MEGF11: variants seen among roughly 807,000 people sequenced by gnomAD.
MEGF11 encodes multiple EGF like domains 11.
A neutral mutation model predicts 146.6 loss-of-function variants in MEGF11; 126 were observed. The observed-to-expected ratio is 0.86, with a 90% CI of 0.74 to 1.00. The LOEUF is 1.00. Ranked by LOEUF, MEGF11 falls within the 50% of genes least tolerant of loss-of-function variation. The pLI is 0.00. For missense variants in MEGF11, 1,509 were observed against 1,521.2 expected, an observed-to-expected ratio of 0.99 and a Z score of 0.13; for synonymous variants, 532 against 583.4, an observed-to-expected ratio of 0.91 and a Z score of 1.27.
intron 5 of MEGF11, among the ~76,000 whole-genome samples, chr15:66,086,312 A>G (rs1055367066): frequency 1.3e-5 from 2 of 152,180 alleles, no homozygotes; most frequent in African/African-American, 4.8e-5. Context: ...CACAAAGAAC[A>G]CCTGGGAAAT....
At chr15:66,177,971 C>G (rs1433885623) in intron 1 of MEGF11, among the ~76,000 whole-genome samples, 1 of 151,982 alleles carries the variant, frequency 6.6e-6, no homozygotes, top group African/African-American at 2.4e-5. Context: ...AGGTGTGAGC[C>G]ACCATGCCCT....
intron 5 of MEGF11, among the ~76,000 whole-genome samples, chr15:65,992,626 A>G (rs184695278): frequency 1.6e-3 from 246 of 150,708 alleles, no homozygotes; most frequent in African/African-American, 5.8e-3. Context: ...AAATTTATCA[A>G]CTTCGGGGAC....
intron 1 of MEGF11, among the ~76,000 whole-genome samples, chr15:66,252,787 C>G (rs1039188232): frequency 1.3e-5 from 2 of 152,232 alleles, no homozygotes; most frequent in African/African-American, 4.8e-5. Context: ...GGAGCCACAA[C>G]CACCACCCAT....
At chr15:65,952,779 C>A (rs2080454561) in intron 10 of MEGF11, among the ~76,000 whole-genome samples, 1 of 152,240 alleles carries the variant, frequency 6.6e-6, no homozygotes, top group Non-Finnish European at 1.5e-5. Flanking sequence ...GTTAGCAGAG[C>A]TAAAGCTACA....
At chr15:66,015,271 G>A (rs1596991507) in intron 5 of MEGF11, among the ~76,000 whole-genome samples, 1 of 152,180 alleles carries the variant, frequency 6.6e-6, no homozygotes, top group African/African-American at 2.4e-5. Flanking sequence ...GAGCTTAGAG[G>A]TTTCAGAGCC....
At chr15:66,133,227 A>G (rs2088731582) in intron 1 of MEGF11, among the ~76,000 whole-genome samples, 1 of 152,072 alleles carries the variant, frequency 6.6e-6, no homozygotes, top group South Asian at 2.1e-4. Context: ...TGCCTGGACC[A>G]CCCCATCAGC....
chr15:65,929,672 G>A (rs371309744), intron 12 of MEGF11, 48 bp downstream of exon 12: 88 of 1,530,538 alleles, frequency 5.7e-5, no homozygotes, highest in East Asian at 3.4e-4. Flanking sequence ...GGGAAAGGGC[G>A]TGAGGGGATG....
intron 1 of MEGF11, among the ~76,000 whole-genome samples, chr15:66,160,427 C>A (rs928960811): frequency 4.6e-5 from 7 of 152,154 alleles, no homozygotes; most frequent in Non-Finnish European, 1.0e-4. Flanking sequence ...AACCACTTCA[C>A]CAGCATCAGA....
At chr15:66,009,463 C>T (rs2082635362) in intron 5 of MEGF11, among the ~76,000 whole-genome samples, 1 of 151,988 alleles carries the variant, frequency 6.6e-6, no homozygotes. Context: ...ACTTTATTTT[C>T]CCCAAGACCC....
Position 66,215,101 on chromosome 15 carries a change from C to T in MEGF11, c.-9+38504G>A, listed in dbSNP as rs150563948. Among the ~76,000 whole-genome samples, 821 of 152,264 alleles carry T rather than the reference C, an allele frequency of 5.4e-3. 9 individuals are homozygous for T. The highest frequency in any genetic ancestry group is 0.019 in the African/African-American group (787 of 41,556). On this transcript the variant is annotated intron_variant, in intron 1 of 25. Coordinates refer to ENST00000395614, the MANE Select transcript of MEGF11 (RefSeq NM_001385028.1). ...ACGCCTCCTCCCACACACTCATACGCGCTCTCTGCAGCCCTCTGTATTAAG... is the reference window on the plus strand; with the variant it reads ...ACGCCTCCTCCCACACACTCATACGTGCTCTCTGCAGCCCTCTGTATTAAG...
intron 1 of MEGF11, among the ~76,000 whole-genome samples, chr15:66,244,071 A>G (rs531193235): frequency 5.9e-5 from 9 of 152,292 alleles, no homozygotes; most frequent in Non-Finnish European, 7.3e-5. Flanking sequence ...TCTGAGGACA[A>G]TAACCTGCTC....
At chr15:66,153,776 G>C (rs1380989647) in intron 1 of MEGF11, among the ~76,000 whole-genome samples, 1 of 152,112 alleles carries the variant, frequency 6.6e-6, no homozygotes, top group Non-Finnish European at 1.5e-5. Flanking sequence ...CCTGGGTCCA[G>C]CTTTGGGTCT....
chr15:66,157,970 T>C (rs2089821953), intron 1 of MEGF11, among the ~76,000 whole-genome samples: 1 of 152,214 alleles, frequency 6.6e-6, no homozygotes, highest in African/African-American at 2.4e-5. Flanking sequence ...GGATTTTATT[T>C]TAAATTAATC....
chr15:66,209,079 C>A (rs1302396377), intron 1 of MEGF11, among the ~76,000 whole-genome samples: 2 of 151,998 alleles, frequency 1.3e-5, no homozygotes, highest in African/African-American at 4.8e-5. Flanking sequence ...AGGCCGGGCA[C>A]GGTGTTCACG....
chr15:66,079,538 C>CA (rs2085746504), intron 5 of MEGF11, among the ~76,000 whole-genome samples: 1 of 13,044 alleles, frequency 7.7e-5, no homozygotes. Flanking sequence ...TTCATTCACA[C>CA]CCCCCCCCCC....
At chr15:65,908,347 T>C (rs2078692895) in intron 23 of MEGF11, among the ~76,000 whole-genome samples, 1 of 152,164 alleles carries the variant, frequency 6.6e-6, no homozygotes, top group African/African-American at 2.4e-5. Flanking sequence ...GGAGCCACAT[T>C]GTAGGGAGGC....
chr15:66,036,468 G>T (rs977827763), intron 5 of MEGF11, among the ~76,000 whole-genome samples: 1 of 152,194 alleles, frequency 6.6e-6, no homozygotes, highest in Non-Finnish European at 1.5e-5. Flanking sequence ...CCACAGAACT[G>T]AATATATATC....
At chr15:66,159,909 G>A (rs776904432) in intron 1 of MEGF11, among the ~76,000 whole-genome samples, 42 of 152,164 alleles carry the variant, frequency 2.8e-4, no homozygotes, top group South Asian at 1.0e-3. Context: ...TGGACAAGGT[G>A]AGTTGGAGTA....
Position 66,095,476 on chromosome 15 carries a change from T to C in MEGF11, c.302-982A>G, listed in dbSNP as rs371005625. The stretch of plus-strand genomic sequence containing the variant: ...TTGTTTTTCCCGAAAGCAAGAGACT[T>C]CTCTCTGCCCAGTACTGGCCTGGGC... On this transcript the variant is annotated intron_variant, in intron 4 of 25. Coordinates refer to ENST00000395614, the MANE Select transcript of MEGF11 (RefSeq NM_001385028.1). 2.0e-5 allele frequency among the ~76,000 whole-genome samples: 3 copies of C among 152,294 alleles called. No homozygotes were observed. The East Asian group carries it at 5.8e-4, about 29-fold the overall frequency.
Sources: gnomAD v4.1 joint callset for allele counts (sites outside exome capture counted in the v4.1 genomes callset) on GRCh38, gnomAD v4.1.1 for gene constraint, MANE v1.5 for transcripts, NCBI Gene and HGNC (gene_info 2026-07-23, HGNC 2026-07-21) for gene names.